The following RNGTT variants were observed in gnomAD, a reference collection of about 807,000 sequenced individuals.
RNGTT encodes RNA guanylyltransferase and 5'-phosphatase, also known as mRNA-capping enzyme.
Under a neutral mutation model 79.3 loss-of-function variants are expected in RNGTT, and 33 were observed. The observed-to-expected ratio is 0.42, with a 90% confidence interval of 0.32 to 0.56. RNGTT has a LOEUF of 0.56. RNGTT is among the 20% of genes least tolerant of loss of function. RNGTT has a pLI of 0.17. For missense variants in RNGTT, 497 were observed against 739.1 expected (o/e 0.67, Z 3.80); for synonymous variants, 222 against 235.9 (o/e 0.94, Z 0.54).
At chr6:88,950,101 T>C (rs1785191026) in intron 1 of RNGTT, among the ~76,000 whole-genome samples, 1 of 152,210 alleles carries the variant, frequency 6.6e-6, no homozygotes, top group Admixed American at 6.5e-5. Flanking sequence ...CTGTGCTCTA[T>C]CAACGAACAA....
At chr6:88,809,921 C>A (rs1780080893) in intron 11 of RNGTT, among the ~76,000 whole-genome samples, 1 of 151,512 alleles carries the variant, frequency 6.6e-6, no homozygotes, top group African/African-American at 2.4e-5. Context: ...TGGTGGCATG[C>A]ACCTAAGTCG....
At chr6:88,697,199 G>T (rs1188207386) in intron 13 of RNGTT, among the ~76,000 whole-genome samples, 1 of 151,980 alleles carries the variant, frequency 6.6e-6, no homozygotes, top group Non-Finnish European at 1.5e-5. Flanking sequence ...AAGTTAAATT[G>T]GTCTTTACTA....
intron 13 of RNGTT, among the ~76,000 whole-genome samples, chr6:88,708,223 C>A (rs545926757): frequency 3.4e-4 from 51 of 152,056 alleles, no homozygotes; most frequent in South Asian, 8.3e-4. Flanking sequence ...CTTTTCCAAT[C>A]TTCAAGGGCT....
intron 13 of RNGTT, among the ~76,000 whole-genome samples, 185 bp downstream of exon 13, chr6:88,769,589 G>C (rs1778579704): frequency 6.6e-6 from 1 of 152,036 alleles, no homozygotes; most frequent in Non-Finnish European, 1.5e-5. Flanking sequence ...GCTGACACAG[G>C]TCAAAGGAGT....
intron 14 of RNGTT, among the ~76,000 whole-genome samples, chr6:88,668,114 T>G (rs1317693247): frequency 1.3e-5 from 2 of 152,156 alleles, no homozygotes; most frequent in East Asian, 3.9e-4. Flanking sequence ...CATTAGCTTA[T>G]TCTCCCCAGT....
At chr6:88,753,697 GAATTA>G (rs1388807488) in intron 13 of RNGTT, among the ~76,000 whole-genome samples, 5 of 151,628 alleles carry the variant, frequency 3.3e-5, no homozygotes, top group African/African-American at 1.2e-4. Flanking sequence ...GTTAAAAATA[GAATTA>G]TATAATTAAA....
chr6:88,954,636 T>C (rs755021068), intron 1 of RNGTT, among the ~76,000 whole-genome samples: 33 of 151,538 alleles, frequency 2.2e-4, no homozygotes, highest in Middle Eastern at 3.4e-3. Context: ...ACAAATGGAC[T>C]TAACAGATAT....
intron 13 of RNGTT, among the ~76,000 whole-genome samples, chr6:88,753,232 G>A (rs192001462): frequency 6.6e-6 from 1 of 152,174 alleles, no homozygotes; most frequent in East Asian, 1.9e-4. Flanking sequence ...ATAATCTAAG[G>A]CCAGGCACAG....
At position 88,853,724 on chromosome 6, in the gene RNGTT, T is replaced by C. The variant is rs1781750643; in HGVS notation, c.937A>G (p.Ile313Val). 1.3e-6 allele frequency: 2 copies of C among 1,574,514 alleles called. No homozygotes were observed. The highest frequency in any genetic ancestry group is 8.7e-7 in the Non-Finnish European group (1 of 1,154,994). Residue 313 changes from isoleucine (I) to valine (V), a missense_variant, in exon 9 of 16, where the codon ATT becomes GTT. Ile to Val is a conservative substitution (Grantham distance 29). Transcript: ENST00000369485. ...LIDGTNEVFM[I>V]DRDNSVFHVS... is the part of the protein sequence containing the mutation. ...TGAAATACTGAATTGTCTCTATCAA[T>C]CATAAAAACTTCATTTGTGCCATCA...
chr6:88,702,021 G>A (rs1775965465), intron 13 of RNGTT, among the ~76,000 whole-genome samples: 1 of 151,968 alleles, frequency 6.6e-6, no homozygotes, highest in Non-Finnish European at 1.5e-5. Context: ...GAGGTGACAG[G>A]TCTTTACAAG....
intron 14 of RNGTT, among the ~76,000 whole-genome samples, chr6:88,664,764 G>A (rs954364299): frequency 6.6e-6 from 1 of 152,192 alleles, no homozygotes; most frequent in African/African-American, 2.4e-5. Flanking sequence ...CTGGCTGAGG[G>A]GTTATTGGAC....
At chr6:88,663,782 T>C (rs1774279076) in intron 14 of RNGTT, among the ~76,000 whole-genome samples, 1 of 152,074 alleles carries the variant, frequency 6.6e-6, no homozygotes, top group Non-Finnish European at 1.5e-5. Flanking sequence ...GGGACACAAA[T>C]GCCCCTAAGA....
chr6:88,815,359 G>A (rs1013952557), intron 11 of RNGTT, among the ~76,000 whole-genome samples: 4 of 152,106 alleles, frequency 2.6e-5, no homozygotes, highest in Admixed American at 1.3e-4. Flanking sequence ...CCTTTGGCTG[G>A]TTTTAGTATG....
intron 13 of RNGTT, among the ~76,000 whole-genome samples, chr6:88,730,362 G>A (rs1777065933): frequency 6.6e-6 from 1 of 152,096 alleles, no homozygotes; most frequent in South Asian, 2.1e-4. Context: ...TTTAGTCTGT[G>A]CCATCTAACC....
At chr6:88,924,727 AT>A (rs11459283) in intron 4 of RNGTT, among the ~76,000 whole-genome samples, 337 of 137,986 alleles carry the variant, frequency 2.4e-3, no homozygotes, top group Non-Finnish European at 2.9e-3. Flanking sequence ...CTCCTCTCCA[AT>A]TTTTTTTTTT....
At chr6:88,636,581 T>A (rs1234357926) in intron 14 of RNGTT, among the ~76,000 whole-genome samples, 3 of 151,726 alleles carry the variant, frequency 2.0e-5, no homozygotes, top group Non-Finnish European at 2.9e-5. Context: ...CTTTTATAGA[T>A]CTTTAAGGTC....
At chr6:88,778,527 G>A (rs574227225) in intron 12 of RNGTT, among the ~76,000 whole-genome samples, 1 of 152,232 alleles carries the variant, frequency 6.6e-6, no homozygotes, top group East Asian at 1.9e-4. Flanking sequence ...TCTTGCCCAA[G>A]CTAGAATGCA....
chr6:88,629,155 C>T (rs772448455), intron 14 of RNGTT, among the ~76,000 whole-genome samples: 44 of 152,008 alleles, frequency 2.9e-4, no homozygotes, highest in Non-Finnish European at 2.5e-4. Flanking sequence ...GACAAGAAGA[C>T]GAAGAAAGTT....
intron 12 of RNGTT, among the ~76,000 whole-genome samples, chr6:88,777,390 G>C (rs1459921143): frequency 6.6e-6 from 1 of 152,108 alleles, no homozygotes; most frequent in Non-Finnish European, 1.5e-5. Flanking sequence ...AAATGTCATT[G>C]GTATTTGGAT....
Sources: gnomAD v4.1 joint callset for allele counts (sites outside exome capture counted in the v4.1 genomes callset) on GRCh38, gnomAD v4.1.1 for gene constraint, MANE v1.5 for transcripts, NCBI Gene and HGNC (gene_info 2026-07-23, HGNC 2026-07-21) for gene names.